Variants in TNFRSF1A observed in about 807,000 individuals in gnomAD.
The protein encoded by TNFRSF1A is tumor necrosis factor receptor superfamily member 1A.
In TNFRSF1A, 9 loss-of-function variants were observed where a neutral mutation model predicts 41.6. The observed-to-expected ratio is 0.22, with a 90% CI of 0.13 to 0.38. The LOEUF (loss-of-function observed/expected upper bound fraction) is 0.38. Among genes scored for constraint, TNFRSF1A ranks in the 10% least tolerant of loss-of-function variants. The probability of loss-of-function intolerance (pLI) is 1.00; values close to 1 mark genes in which losing one functional copy is unlikely to be tolerated. For synonymous variants in TNFRSF1A, 254 were observed against 248.6 expected (o/e 1.02, Z -0.21); for missense variants, 463 against 591.5 (o/e 0.78, Z 2.25).
intron 9 of TNFRSF1A, 33 bp downstream of exon 9, chr12:6,329,745 G>C (rs1184219414): frequency 1.3e-6 from 2 of 1,581,444 alleles, no homozygotes; most frequent in Admixed American, 3.6e-5. Context: ...CCCTCCCCCA[G>C]CCTCCTCGTC....
At chr12:6,332,099 C>T (rs1948057903) in intron 5 of TNFRSF1A, 2 of 233,576 alleles carry the variant, frequency 8.6e-6, no homozygotes, top group South Asian at 3.8e-5. Flanking sequence ...TTTTGGTTCT[C>T]ACAAATTCAC....
rs781489334 is a variant in TNFRSF1A at position 6,329,345 on chromosome 12, G to A, written c.1335C>T (p.Ala445=). 6.8e-7 allele frequency: 1 copy of A among 1,479,008 alleles called. No homozygotes were observed. Among genetic ancestry groups the A allele is most frequent in the Non-Finnish European group, 8.9e-7 (1 of 1,124,230 alleles). The allele number at this position is 1,479,008 out of a possible 1,614,324, so 91.6% of individuals were successfully genotyped here. The change falls in exon 10 of 10, where the codon GCC becomes GCT. Residue 445 remains alanine, a synonymous_variant. Transcript: ENST00000162749. ...GAAGACTGGGCGCGGGCGGGAGGGCGGCGGGGCCGCAAAGCGCCTCCTCGA... is the reference window on the plus strand; with the variant it reads ...GAAGACTGGGCGCGGGCGGGAGGGCAGCGGGGCCGCAAAGCGCCTCCTCGA... The part of the protein sequence containing the change: ...EDIEEALCGP[A]ALPPAPSLLR
chr12:6,332,392 C>G (rs953436742), intron 5 of TNFRSF1A, among the ~76,000 whole-genome samples: 2 of 149,386 alleles, frequency 1.3e-5, no homozygotes, highest in South Asian at 4.2e-4. Flanking sequence ...CACGGTTGCA[C>G]CACTGCACTC....
At position 6,334,357 on chromosome 12, in the gene TNFRSF1A, G is replaced by A. The variant is rs780870437; in HGVS notation, c.40-113C>T. On this transcript the variant is annotated intron_variant, in intron 1 of 9. Coordinates refer to ENST00000162749, the MANE Select transcript of TNFRSF1A (RefSeq NM_001065.4). This position sits in a 1 kb window ranked among gnomAD's most constrained non-coding sequence, Gnocchi z 5.1. The stretch of plus-strand genomic sequence containing the variant: ...AAGTCCTTCCTCAGTGAAACATTCC[G>A]CCCAGGCCACGCCACTCACTAAGTT... The A allele has an allele frequency of 3.0e-5, 28 of 918,060 alleles. No homozygotes were observed. The highest frequency in any genetic ancestry group is 4.0e-5 in the Non-Finnish European group (24 of 599,160). 56.9% of individuals were successfully genotyped at this position (918,060 alleles called of 1,614,324 possible).
Position 6,341,315 on chromosome 12 carries a change from G to T in TNFRSF1A, c.39+461C>A, listed in dbSNP as rs998129534. ...TGCCCTACAGGGTGTGCTCCACCAA[G>T]TTCCACAGGCAGCCTCGCCTCCCCA... On this transcript the variant is annotated intron_variant, in intron 1 of 9. Coordinates refer to ENST00000162749, the MANE Select transcript of TNFRSF1A (RefSeq NM_001065.4). The surrounding 1 kb of genome is among the most constrained non-coding windows in gnomAD (Gnocchi z 4.6). Among the ~76,000 whole-genome samples, 8 of 152,100 alleles carry T rather than the reference G, an allele frequency of 5.3e-5. No individual in the cohort carries two copies. The highest frequency in any genetic ancestry group is 1.9e-4 in the African/African-American group (8 of 41,414).
Position 6,333,720 on chromosome 12 carries a change from T to A in TNFRSF1A, c.322+17A>T. 6.4e-7 allele frequency: 1 copy of A among 1,566,212 alleles called. No homozygotes were observed. Among genetic ancestry groups the A allele is most frequent in the Non-Finnish European group, 8.7e-7 (1 of 1,154,282 alleles). ...CCACTCAAGACCCGCCTGACTCTCCTGCCTGTGCACACTCACCCTTTCGGC... is the reference window on the plus strand; with the variant it reads ...CCACTCAAGACCCGCCTGACTCTCCAGCCTGTGCACACTCACCCTTTCGGC... On this transcript the variant is annotated intron_variant, in intron 3 of 9. Transcript: ENST00000162749. The surrounding 1 kb of genome is among the most constrained non-coding windows in gnomAD (Gnocchi z 6.3).
chr12:6,338,272 G>C (rs556090527), intron 1 of TNFRSF1A, among the ~76,000 whole-genome samples: 2 of 151,884 alleles, frequency 1.3e-5, no homozygotes, highest in South Asian at 4.2e-4. Flanking sequence ...AACTTGCCAC[G>C]CTCTCTCCCC....
Position 6,341,609 on chromosome 12 carries a change from TG to T in TNFRSF1A, c.39+166del, listed in dbSNP as rs1948195741. Among the ~76,000 whole-genome samples the T allele has an allele frequency of 6.6e-6, 1 of 152,226 alleles. No homozygotes were observed. Among genetic ancestry groups the T allele is most frequent in the African/African-American group, 2.4e-5 (1 of 41,460 alleles). ...GCCCCTACTCCAAAAGGCGGATGAA[TG>T]GGGAACCCCACACTGGCAGTGGCTG... is the stretch of plus-strand genomic sequence containing the variant. On this transcript the variant is annotated intron_variant, in intron 1 of 9. Transcript: ENST00000162749. This position sits in a 1 kb window ranked among gnomAD's most constrained non-coding sequence, Gnocchi z 4.6.
Position 6,330,053 on chromosome 12 carries a change from C to T in TNFRSF1A, c.782G>A (p.Gly261Glu). 6.2e-7 allele frequency: 1 copy of T among 1,613,052 alleles called. No individual in the cohort carries two copies. The highest frequency in any genetic ancestry group is 8.5e-7 in the Non-Finnish European group (1 of 1,179,984). ...TGGGGCCAGGGGCTTAGTAGTAGTT[C>T]CTTCAAGCTCCCCCTGAAAGAGAGA... ...STPEKEGELEGTTTKPLAPNP... is the reference protein window; with the variant it reads ...STPEKEGELEETTTKPLAPNP... The change falls in exon 9 of 10, where the codon GGA becomes GAA. Residue 261 changes from glycine (G) to glutamate (E), a missense_variant. Around this residue, in one of 4 missense-constraint regions of TNFRSF1A, gnomAD observed 277 missense variants for 288.8 expected, o/e 0.96. Transcript: ENST00000162749.
intron 1 of TNFRSF1A, among the ~76,000 whole-genome samples, chr12:6,336,375 G>A (rs192030539): frequency 1.9e-3 from 294 of 152,132 alleles, no homozygotes; most frequent in Non-Finnish European, 3.6e-3. Context: ...GGAGACCTAG[G>A]GAGGGGAGAG....
rs151335258 is a variant in TNFRSF1A, at chr12:6,341,122, G to C, written c.39+654C>G. Among the ~76,000 whole-genome samples, 521 of 152,234 alleles carry C rather than the reference G, an allele frequency of 3.4e-3. 2 individuals carry two copies. Among genetic ancestry groups the C allele is most frequent in the African/African-American group, 0.012 (480 of 41,512 alleles). On this transcript the variant is annotated intron_variant, in intron 1 of 9. Coordinates refer to ENST00000162749, the MANE Select transcript of TNFRSF1A (RefSeq NM_001065.4). This position sits in a 1 kb window ranked among gnomAD's most constrained non-coding sequence, Gnocchi z 4.6. ...GGTAAAGAATGTCCCCAGGTGAGAG[G>C]CCGGGGCTTGGCCAGGGCACTGGGG...
Position 6,330,595 on chromosome 12 carries a change from C to T in TNFRSF1A, c.739+3G>A, listed in dbSNP as rs1325705618. ...CCCTCTCCCTCCCAAAGCCCCCACT[C>T]ACCAATGGAGTAGAGCTTGGACTTC... On this transcript the variant is annotated splice_donor_region_variant and intron_variant, in intron 7 of 9. Transcript: ENST00000162749. 2 of 1,606,316 alleles carry T rather than the reference C, an allele frequency of 1.2e-6. No homozygotes were observed. The highest frequency in any genetic ancestry group is 2.7e-5 in the African/African-American group (2 of 74,750).
intron 5 of TNFRSF1A, among the ~76,000 whole-genome samples, chr12:6,332,419 GT>G (rs1231077238): frequency 2.2e-5 from 3 of 134,906 alleles, no homozygotes; most frequent in Non-Finnish European, 3.1e-5. Context: ...GGGTGACAGA[GT>G]GAAACCCTGT....
In TNFRSF1A at chr12:6,330,763, GGATA is replaced by G. The variant is rs1948040048; in HGVS notation, c.626-56_626-53del. The G allele has an allele frequency of 3.2e-6, 5 of 1,577,430 alleles. No individual in the cohort carries two copies. The African/African-American group carries it at 4.0e-5, about 13-fold the overall frequency. ...AGGAGCGGGCAGAGGGGGGCCGCAG[GGATA>G]GATGGATGGGTGGGATGGATGGACG... On this transcript the variant is annotated intron_variant, in intron 6 of 9. Transcript: ENST00000162749.
At position 6,329,336 on chromosome 12, in the gene TNFRSF1A, C is replaced by A. The variant is rs201538598; in HGVS notation, c.1344G>T (p.Pro448=). Residue 448 remains proline, a synonymous_variant, in exon 10 of 10, where the codon CCG becomes CCT. Transcript: ENST00000162749. ...CTCATCTGAGAAGACTGGGCGCGGG[C>A]GGGAGGGCGGCGGGGCCGCAAAGCG... ...EEALCGPAAL[P]PAPSLLR 4 of 1,473,140 alleles carry A rather than the reference C, an allele frequency of 2.7e-6. No homozygotes were observed. In the African/African-American group the frequency reaches 4.4e-5, roughly 16 times the overall value. 91.3% of individuals were successfully genotyped at this position (1,473,140 alleles called of 1,614,324 possible). A position where few individuals can be genotyped will look rare whatever the true frequency, so the allele number is the denominator to read the frequency against.
chr12:6,336,364 G>A (rs1948119601), intron 1 of TNFRSF1A, among the ~76,000 whole-genome samples: 1 of 151,996 alleles, frequency 6.6e-6, no homozygotes, highest in African/African-American at 2.4e-5. Flanking sequence ...GCCAGAGGGA[G>A]GGAGACCTAG....
At position 6,337,709 on chromosome 12, in the gene TNFRSF1A, T is replaced by A. The variant is rs1948138739; in HGVS notation, c.40-3465A>T. 6.6e-6 allele frequency among the ~76,000 whole-genome samples: 1 copy of A among 152,160 alleles called. No homozygotes were observed. Among genetic ancestry groups the A allele is most frequent in the Admixed American group, 6.5e-5 (1 of 15,268 alleles). On this transcript the variant is annotated intron_variant, in intron 1 of 9. Coordinates refer to ENST00000162749, the MANE Select transcript of TNFRSF1A (RefSeq NM_001065.4). The surrounding 1 kb of genome is among the most constrained non-coding windows in gnomAD (Gnocchi z 4.6). ...TCTACTTTTGGCTCTTATCATAATA[T>A]GGTTATGTTGGGTGACAGATATGAT...
intron 8 of TNFRSF1A, 39 bp from the exon 9 acceptor site, chr12:6,330,105 G>A (rs1948023986): frequency 3.7e-6 from 6 of 1,611,992 alleles, no homozygotes; most frequent in Non-Finnish European, 5.1e-6. Context: ...GTGCGGCAGC[G>A]AAAACCAGCC....
At chr12:6,332,947 C>G in intron 5 of TNFRSF1A, 122 bp downstream of exon 5, 1 of 828,556 alleles carries the variant, frequency 1.2e-6, no homozygotes, top group South Asian at 1.4e-5. Context: ...TCCTACTCAG[C>G]CAGTAGGACC....
Sources: gnomAD v4.1 joint callset for allele counts (sites outside exome capture counted in the v4.1 genomes callset) on GRCh38, gnomAD v4.1.1 for gene constraint, gnomAD v4.1.1 regional missense constraint, Gnocchi (gnomAD v3.1) non-coding constraint, MANE v1.5 for transcripts, NCBI Gene and HGNC (gene_info 2026-07-23, HGNC 2026-07-21) for gene names.